LRRK2: variants seen among roughly 807,000 people sequenced by gnomAD.
The protein encoded by LRRK2 is leucine-rich repeat serine/threonine-protein kinase 2.
LRRK2 carries 203 observed loss-of-function variants against 302.6 expected under a neutral mutation model. The observed-to-expected ratio is 0.67, with a 90% CI of 0.60 to 0.75. The LOEUF is 0.75. Among genes scored for constraint, LRRK2 ranks in the 30% least tolerant of loss-of-function variants. The probability of loss-of-function intolerance (pLI) is 0.00; values close to 1 mark genes in which losing one functional copy is unlikely to be tolerated. For missense variants in LRRK2, 2,830 were observed against 2,951.0 expected, an observed-to-expected ratio of 0.96 and a Z score of 0.95; for synonymous variants, 1,066 against 1,031.9, an observed-to-expected ratio of 1.03 and a Z score of -0.63.
At chr12:40,225,699 A>C in intron 2 of LRRK2, 59 bp downstream of exon 2, 1 of 1,443,098 alleles carries the variant, frequency 6.9e-7, no homozygotes, top group Non-Finnish European at 9.7e-7. Context: ...GAGACGTTTT[A>C]CTGGCAATGT....
At chr12:40,344,342 A>G (rs562127487) in intron 41 of LRRK2, among the ~76,000 whole-genome samples, 2 of 152,314 alleles carry the variant, frequency 1.3e-5, no homozygotes, top group South Asian at 4.1e-4. Context: ...TACCTAATAA[A>G]TGTGCTCAAT....
intron 30 of LRRK2, among the ~76,000 whole-genome samples, 172 bp from the exon 31 acceptor site, chr12:40,310,259 C>T (rs1944993224): frequency 6.6e-6 from 1 of 151,960 alleles, no homozygotes; most frequent in African/African-American, 2.4e-5. Context: ...CGTAAGGTTA[C>T]ATTTTTTTCT....
At chr12:40,355,982 C>G (rs1010382949) in intron 45 of LRRK2, 133 bp from the exon 46 acceptor site, 11 of 639,440 alleles carry the variant, frequency 1.7e-5, no homozygotes, top group South Asian at 1.3e-4. Context: ...AGTAAATACT[C>G]TAAGAAAAGG....
chr12:40,341,523 C>G (rs760190112), intron 41 of LRRK2, among the ~76,000 whole-genome samples: 1 of 152,040 alleles, frequency 6.6e-6, no homozygotes, highest in African/African-American at 2.4e-5. Flanking sequence ...TATGTTCTGG[C>G]TGAGAGTGTC....
chr12:40,258,508 G>A (rs1303506447), intron 12 of LRRK2, among the ~76,000 whole-genome samples: 2 of 152,116 alleles, frequency 1.3e-5, no homozygotes, highest in African/African-American at 4.8e-5. Flanking sequence ...TAGATTCTGG[G>A]CAAGGCATTT....
At chr12:40,290,573 A>C (rs2136690066) in intron 20 of LRRK2, among the ~76,000 whole-genome samples, 1 of 152,156 alleles carries the variant, frequency 6.6e-6, no homozygotes, top group South Asian at 2.1e-4. Flanking sequence ...ACTTTGATAG[A>C]TGTATGATTA....
At chr12:40,233,562 C>T (rs1439935317) in intron 3 of LRRK2, among the ~76,000 whole-genome samples, 1 of 152,156 alleles carries the variant, frequency 6.6e-6, no homozygotes, top group African/African-American at 2.4e-5. Flanking sequence ...TTGGAGTTCT[C>T]GTCTTCAATC....
At chr12:40,250,115 A>G (rs889319963) in intron 8 of LRRK2, among the ~76,000 whole-genome samples, 170 bp downstream of exon 8, 2 of 152,238 alleles carry the variant, frequency 1.3e-5, no homozygotes, top group African/African-American at 4.8e-5. Flanking sequence ...GTTGTGACAA[A>G]TATACACATC....
intron 14 of LRRK2, 87 bp from the exon 15 acceptor site, chr12:40,274,496 A>T: frequency 7.4e-7 from 1 of 1,355,330 alleles, no homozygotes; most frequent in East Asian, 2.3e-5. Flanking sequence ...GGATTACTTG[A>T]TTTATATTTT....
chr12:40,289,218 T>G (rs1038559878), intron 20 of LRRK2, among the ~76,000 whole-genome samples: 1 of 151,800 alleles, frequency 6.6e-6, no homozygotes, highest in Non-Finnish European at 1.5e-5. Context: ...AATTGACTAT[T>G]TAGGTATGGT....
In LRRK2 at chr12:40,249,965, A is replaced by C. The variant is rs371350870; in HGVS notation, c.958+20A>C. ...TCCTCAGTAAGTAACTTCACTAAAA[A>C]GGGGATTCTTACAGAGGCATTTGAC... On this transcript the variant is annotated intron_variant, in intron 8 of 50. Coordinates refer to ENST00000298910, the MANE Select transcript of LRRK2 (RefSeq NM_198578.4). 1.1e-5 allele frequency: 17 copies of C among 1,612,990 alleles called. No individual in the cohort carries two copies. The African/African-American group carries it at 2.3e-4, about 22-fold the overall frequency.
rs201522730 is a variant in LRRK2 at position 40,302,819 on chromosome 12, C to T, written c.3527C>T (p.Thr1176Ile). Residue 1176 changes from threonine (T) to isoleucine (I), a missense_variant, in exon 26 of 51, where the codon ACA becomes ATA. Around this residue, in one of 3 missense-constraint regions of LRRK2, gnomAD observed 2,121 missense variants for 2,148.0 expected, o/e 0.99. Transcript: ENST00000298910. ...ATGCCTTTCTTGCCTCCTTCTATGA[C>T]AATCCTAAAATTATCTCAGAACAAA... ...AAMPFLPPSM[T>I]ILKLSQNKFS... The T allele has an allele frequency of 1.2e-6, 2 of 1,610,948 alleles. No homozygotes were observed. Among genetic ancestry groups the T allele is most frequent in the African/African-American group, 2.7e-5 (2 of 74,918 alleles).
intron 6 of LRRK2, among the ~76,000 whole-genome samples, chr12:40,242,525 A>G (rs1007305705): frequency 2.6e-5 from 4 of 151,608 alleles, no homozygotes; most frequent in Admixed American, 2.6e-4. Context: ...TCGTTCTCCC[A>G]TCTTTTCTTC....
intron 16 of LRRK2, among the ~76,000 whole-genome samples, chr12:40,275,365 T>C (rs1204188950): frequency 6.6e-6 from 1 of 152,186 alleles, no homozygotes; most frequent in African/African-American, 2.4e-5. Flanking sequence ...TTTAGTAATT[T>C]TGCTTGTTGA....
intron 12 of LRRK2, among the ~76,000 whole-genome samples, chr12:40,258,528 C>T (rs1015256012): frequency 4.6e-5 from 7 of 152,146 alleles, no homozygotes; most frequent in Non-Finnish European, 7.3e-5. Context: ...TAATGTTTCT[C>T]GCTGCATGCT....
At chr12:40,279,674 A>G (rs940680264) in intron 18 of LRRK2, among the ~76,000 whole-genome samples, 5 of 152,190 alleles carry the variant, frequency 3.3e-5, no homozygotes, top group African/African-American at 1.2e-4. Context: ...CATTTCTACT[A>G]TTCTTTCAAT....
chr12:40,320,965 A>G, intron 34 of LRRK2, 69 bp from the exon 35 acceptor site: 1 of 1,529,330 alleles, frequency 6.5e-7, no homozygotes, highest in Non-Finnish European at 9.1e-7. Context: ...TTTAAGCAGT[A>G]AAATCATTTG....
Position 40,257,285 on chromosome 12 carries a change from C to T in LRRK2, c.1326C>T (p.His442=). ...AAATACTGTTATCAAAAGGAATACA[C>T]CTGAATGTTTTGGAGTTAATGCAGA... The part of the protein sequence containing the change: ...FRKILLSKGI[H]LNVLELMQKH... Residue 442 remains histidine, a synonymous_variant, in exon 12 of 51, where the codon CAC becomes CAT. Transcript: ENST00000298910. The T allele has an allele frequency of 1.3e-6, 2 of 1,593,274 alleles. No homozygotes were observed. The highest frequency in any genetic ancestry group is 2.2e-5 in the South Asian group (2 of 90,644).
intron 27 of LRRK2, 123 bp downstream of exon 27, chr12:40,304,257 A>G: frequency 1.1e-6 from 1 of 885,710 alleles, no homozygotes; most frequent in South Asian, 1.7e-5. Context: ...CCTGTTAACT[A>G]TAAATTCCTG....
Sources: gnomAD v4.1 joint callset for allele counts (sites outside exome capture counted in the v4.1 genomes callset) on GRCh38, gnomAD v4.1.1 for gene constraint, gnomAD v4.1.1 regional missense constraint, MANE v1.5 for transcripts, NCBI Gene and HGNC (gene_info 2026-07-23, HGNC 2026-07-21) for gene names.